SAMD12: variants seen among roughly 807,000 people sequenced by gnomAD.
SAMD12 encodes sterile alpha motif domain-containing protein 12.
A neutral mutation model predicts 15.0 loss-of-function variants in SAMD12; 9 were observed. That is an observed-to-expected ratio of 0.60 (90% confidence interval 0.36 to 1.05). The LOEUF is 1.05. SAMD12 is among the 50% of genes least tolerant of loss of function. The pLI is 0.01. For synonymous variants in SAMD12, 86 were observed against 90.1 expected, an observed-to-expected ratio of 0.96 and a Z score of 0.25; for missense variants, 230 against 234.2, an observed-to-expected ratio of 0.98 and a Z score of 0.12.
intron 4 of SAMD12, among the ~76,000 whole-genome samples, chr8:118,333,287 A>G (rs1342805847): frequency 1.3e-5 from 2 of 152,094 alleles, no homozygotes; most frequent in African/African-American, 2.4e-5. Flanking sequence ...AAATAAGTTG[A>G]CAGGGGCTCA....
At chr8:118,566,097 C>G (rs1331113480) in intron 2 of SAMD12, among the ~76,000 whole-genome samples, 1 of 152,180 alleles carries the variant, frequency 6.6e-6, no homozygotes, top group African/African-American at 2.4e-5. Flanking sequence ...TTTCATTGAT[C>G]TTCCATTGCA....
chr8:118,210,287 T>C (rs997671859), intron 4 of SAMD12, among the ~76,000 whole-genome samples: 3 of 152,158 alleles, frequency 2.0e-5, no homozygotes, highest in African/African-American at 7.2e-5. Context: ...CGCTTTGAAA[T>C]GGGAGAACTA....
At chr8:118,289,897 G>A (rs181533588) in intron 4 of SAMD12, among the ~76,000 whole-genome samples, 4 of 152,264 alleles carry the variant, frequency 2.6e-5, no homozygotes, top group African/African-American at 9.6e-5. Context: ...AATGTAACTA[G>A]ATCAGAAAGA....
intron 3 of SAMD12, among the ~76,000 whole-genome samples, chr8:118,408,705 T>C (rs145754617): frequency 6.6e-6 from 1 of 152,236 alleles, no homozygotes; most frequent in African/African-American, 2.4e-5. Flanking sequence ...TTATTTTACT[T>C]CAAACAAAGA....
the SAMD12 span, among the ~76,000 whole-genome samples, chr8:118,165,854 T>G: frequency 6.6e-6 from 1 of 151,982 alleles, no homozygotes. Flanking sequence ...TTCCCAACTT[T>G]TTATCCTCTT....
chr8:118,140,405 G>A, the SAMD12 span, among the ~76,000 whole-genome samples: 38 of 152,136 alleles, frequency 2.5e-4, no homozygotes, highest in South Asian at 5.0e-3. Flanking sequence ...CTGAGCAACC[G>A]GGACTACAGG....
At chr8:118,573,932 G>T (rs1021201862) in intron 2 of SAMD12, among the ~76,000 whole-genome samples, 1 of 152,148 alleles carries the variant, frequency 6.6e-6, no homozygotes, top group Non-Finnish European at 1.5e-5. Flanking sequence ...CTAGATCATC[G>T]CTTTCAAATG....
intron 1 of SAMD12, among the ~76,000 whole-genome samples, chr8:118,584,863 G>A (rs1827393097): frequency 6.6e-6 from 1 of 151,178 alleles, no homozygotes; most frequent in South Asian, 2.1e-4. Context: ...CAGTATGGTG[G>A]TTCCTCAAAA....
intron 2 of SAMD12, among the ~76,000 whole-genome samples, chr8:118,493,811 A>AC (rs139546859): frequency 5.4e-4 from 83 of 152,298 alleles, no homozygotes; most frequent in African/African-American, 1.9e-3. Flanking sequence ...GGAGGTGGAC[A>AC]CCACATGGCA....
intron 2 of SAMD12, among the ~76,000 whole-genome samples, chr8:118,447,372 A>G (rs1311919338): frequency 6.6e-6 from 1 of 150,702 alleles, no homozygotes; most frequent in African/African-American, 2.4e-5. Context: ...GCGCGATTTC[A>G]GCTCACTGCA....
Position 118,521,832 on chromosome 8 carries a change from G to A in SAMD12, c.192+58883C>T, listed in dbSNP as rs560669348. The stretch of plus-strand genomic sequence containing the variant: ...TGTTGGCATTCAACCAGACTCAGAA[G>A]CTACAGAGCAAATGCAAAAGAGAAG... On this transcript the variant is annotated intron_variant, in intron 2 of 3. Transcript: ENST00000314727. Among the ~76,000 whole-genome samples, 103 of 152,288 alleles carry A rather than the reference G, an allele frequency of 6.8e-4. 3 individuals are homozygous for A. The South Asian group carries it at 0.021, about 31-fold the overall frequency.
intron 4 of SAMD12, among the ~76,000 whole-genome samples, chr8:118,287,119 AAT>A (rs1491535657): frequency 0.02 from 2,718 of 136,064 alleles, 80 homozygotes; most frequent in African/African-American, 0.072. Flanking sequence ...AGTAAGGAAG[AAT>A]ATTTTTTTTT....
At chr8:118,314,636 C>T (rs1318899674) in intron 4 of SAMD12, among the ~76,000 whole-genome samples, 1 of 152,194 alleles carries the variant, frequency 6.6e-6, no homozygotes, top group African/African-American at 2.4e-5. Flanking sequence ...CACATAGAAT[C>T]ATAGAGTATA....
At chr8:118,201,806 A>G (rs1819723179) in intron 4 of SAMD12, among the ~76,000 whole-genome samples, 1 of 152,226 alleles carries the variant, frequency 6.6e-6, no homozygotes, top group Non-Finnish European at 1.5e-5. Context: ...GCAGCTAACA[A>G]ATAGTAAAAG....
rs71515963 is a variant in SAMD12, at chr8:118,269,220, CTGTGTGTGTGTGTGTG to C, written c.434-71504_434-71489del. Among the ~76,000 whole-genome samples, 20 of 123,042 alleles carry C rather than the reference CTGTGTGTGTGTGTGTG, an allele frequency of 1.6e-4. No homozygotes were observed. In the East Asian group the frequency reaches 2.2e-3, roughly 14 times the overall value. 80.7% of individuals were successfully genotyped at this position (123,042 alleles called of 152,430 possible). A position where few individuals can be genotyped will look rare whatever the true frequency, so the allele number is the denominator to read the frequency against. On this transcript the variant is annotated intron_variant, in intron 4 of 4. Transcript: ENST00000409003. ...TCTCTCTCTCTCTCTCTCTCTCTCT[CTGTGTGTGTGTGTGTG>C]TGTGTGTGTGTGTGTGTGTGTGTGT...
chr8:118,494,550 A>G (rs1824547694), intron 2 of SAMD12, among the ~76,000 whole-genome samples: 1 of 152,156 alleles, frequency 6.6e-6, no homozygotes, highest in African/African-American at 2.4e-5. Flanking sequence ...ACTAAAAAAT[A>G]TTTGCTGAAT....
At chr8:118,182,177 T>C in the SAMD12 span, among the ~76,000 whole-genome samples, 1 of 152,176 alleles carries the variant, frequency 6.6e-6, no homozygotes, top group African/African-American at 2.4e-5. Context: ...TTAAGAAATT[T>C]TTCTCAGACT....
chr8:118,263,788 A>T (rs1772988114), intron 4 of SAMD12, among the ~76,000 whole-genome samples: 2 of 152,072 alleles, frequency 1.3e-5, no homozygotes, highest in Non-Finnish European at 1.5e-5. Context: ...AGGCAGCTCT[A>T]GTGATGTGGA....
intron 4 of SAMD12, among the ~76,000 whole-genome samples, chr8:118,231,801 G>A (rs996417406): frequency 3.3e-5 from 5 of 151,992 alleles, no homozygotes; most frequent in African/African-American, 4.8e-5. Flanking sequence ...ACATGCCCCA[G>A]CATCGCTTGC....
Sources: allele counts gnomAD v4.1 joint callset (sites outside exome capture counted in the v4.1 genomes callset), GRCh38; gene constraint gnomAD v4.1.1; transcripts MANE v1.5; gene names NCBI Gene and HGNC (gene_info 2026-07-23, HGNC 2026-07-21).